ADAMTS12: variants seen among roughly 807,000 people sequenced by gnomAD.
ADAMTS12 encodes ADAM metallopeptidase with thrombospondin type 1 motif 12.
In ADAMTS12, 118 loss-of-function variants were observed where a neutral mutation model predicts 167.8. The ratio of observed to expected loss-of-function variants is 0.70; its 90% CI spans 0.61 to 0.82. The LOEUF (loss-of-function observed/expected upper bound fraction) is 0.82, where lower values mean the gene tolerates loss of function less well. Among genes scored for constraint, ADAMTS12 ranks in the 40% least tolerant of loss-of-function variants. The pLI, the probability that ADAMTS12 is intolerant of heterozygous loss-of-function variation, is 0.00. For synonymous variants in ADAMTS12, 704 were observed against 716.9 expected, an observed-to-expected ratio of 0.98 and a Z score of 0.29; for missense variants, 1,916 against 1,998.8, an observed-to-expected ratio of 0.96 and a Z score of 0.79.
intron 22 of ADAMTS12, among the ~76,000 whole-genome samples, 188 bp from the exon 23 acceptor site, chr5:33,535,180 A>G (rs1357200361): frequency 2.0e-5 from 3 of 152,240 alleles, no homozygotes; most frequent in Non-Finnish European, 4.4e-5. Flanking sequence ...ACTCTATACT[A>G]TAGGTTGTGT....
At chr5:33,749,551 T>C (rs1388843984) in intron 3 of ADAMTS12, among the ~76,000 whole-genome samples, 1 of 152,160 alleles carries the variant, frequency 6.6e-6, no homozygotes, top group East Asian at 1.9e-4. Context: ...TACTCTCTCA[T>C]ACTTGCTTAG....
intron 7 of ADAMTS12, among the ~76,000 whole-genome samples, chr5:33,653,297 C>T (rs1285608902): frequency 1.3e-5 from 2 of 151,988 alleles, no homozygotes; most frequent in African/African-American, 4.8e-5. Flanking sequence ...CTTGTTTAGC[C>T]TGTTACAATG....
At chr5:33,644,860 A>G (rs1740600452) in intron 9 of ADAMTS12, among the ~76,000 whole-genome samples, 1 of 151,922 alleles carries the variant, frequency 6.6e-6, no homozygotes, top group South Asian at 2.1e-4. Context: ...CCTACTGAGT[A>G]GCTGGGACTG....
intron 3 of ADAMTS12, among the ~76,000 whole-genome samples, chr5:33,686,922 A>AATAT (rs369832766): frequency 0.014 from 1,913 of 138,040 alleles, 27 homozygotes; most frequent in African/African-American, 0.04. Context: ...ATAGGCACTG[A>AATAT]ATATATATAT....
chr5:33,771,785 A>G (rs1745746307), intron 2 of ADAMTS12, among the ~76,000 whole-genome samples: 1 of 151,728 alleles, frequency 6.6e-6, no homozygotes, highest in Non-Finnish European at 1.5e-5. Context: ...GTAAAGTTAT[A>G]CTGCGTACTT....
At chr5:33,585,834 C>T (rs1314137570) in intron 18 of ADAMTS12, among the ~76,000 whole-genome samples, 1 of 152,054 alleles carries the variant, frequency 6.6e-6, no homozygotes, top group East Asian at 1.9e-4. Context: ...GAGAGAGCTC[C>T]CCTTTCTGAT....
rs1703819008 is a variant in ADAMTS12, at chr5:33,525,745, G to A, written c.*1443C>T. 6.6e-6 allele frequency: 1 copy of A among 152,168 alleles called. No homozygotes were observed. The highest frequency in any genetic ancestry group is 2.1e-4 in the South Asian group (1 of 4,832). 9.4% of individuals were successfully genotyped at this position (152,168 alleles called of 1,614,324 possible). On this transcript the variant is annotated 3_prime_UTR_variant, in exon 24 of 24. Transcript: ENST00000504830. ...GAAAATATGCTGCCCATCACATGAA[G>A]GCCACATCCTTGCCTTTCTCCCTGT...
intron 2 of ADAMTS12, among the ~76,000 whole-genome samples, chr5:33,842,670 T>G (rs1382755420): frequency 6.6e-6 from 1 of 152,180 alleles, no homozygotes; most frequent in Admixed American, 6.5e-5. Context: ...GAGGCAGGCA[T>G]GGTGCCAGGC....
rs75768007 is a variant in ADAMTS12, at chr5:33,663,237, C to T, written c.916-1197G>A. Among the ~76,000 whole-genome samples the T allele has an allele frequency of 2.3e-3, 355 of 152,274 alleles. 3 individuals carry two copies. The highest frequency in any genetic ancestry group is 8.1e-3 in the African/African-American group (337 of 41,566). On this transcript the variant is annotated intron_variant, in intron 5 of 23. Transcript: ENST00000504830. ...TTTAATAATTTTCATTGTTACATCA[C>T]CCAGCAGAATGATATATGGTAGAGG... is the stretch of plus-strand genomic sequence containing the variant.
chr5:33,758,658 C>T (rs1018302815), intron 2 of ADAMTS12, among the ~76,000 whole-genome samples: 3 of 152,112 alleles, frequency 2.0e-5, no homozygotes, highest in South Asian at 2.1e-4. Context: ...ACGGGGTAGG[C>T]AGTATCTGAT....
rs886706160 is a variant in ADAMTS12, at chr5:33,524,575, T to C, written c.*2613A>G. 6.6e-5 allele frequency: 10 copies of C among 152,214 alleles called. No individual in the cohort carries two copies. Among genetic ancestry groups the C allele is most frequent in the African/African-American group, 2.4e-4 (10 of 41,454 alleles). 9.4% of individuals were successfully genotyped at this position (152,214 alleles called of 1,614,324 possible). A position where few individuals can be genotyped will look rare whatever the true frequency, so the allele number is the denominator to read the frequency against. On this transcript the variant is annotated 3_prime_UTR_variant, in exon 24 of 24. Transcript: ENST00000504830. ...GCACCCAAGTATCAAAGATGTAAGA[T>C]ACCATGCAGGTTCCTGTCTTCAGAG... is the stretch of plus-strand genomic sequence containing the variant.
intron 2 of ADAMTS12, among the ~76,000 whole-genome samples, chr5:33,865,287 T>C (rs750839129): frequency 1.8e-4 from 27 of 152,028 alleles, no homozygotes; most frequent in Admixed American, 6.6e-4. Context: ...CATGATCAAG[T>C]GGATTTCACC....
chr5:33,796,670 T>G (rs28617301), intron 2 of ADAMTS12, among the ~76,000 whole-genome samples: 2,649 of 152,218 alleles, frequency 0.017, 90 homozygotes, highest in African/African-American at 0.061. Context: ...CATACCAGCA[T>G]GGGCCTCAGA....
chr5:33,777,605 A>C (rs1369155727), intron 2 of ADAMTS12, among the ~76,000 whole-genome samples: 1 of 152,142 alleles, frequency 6.6e-6, no homozygotes, highest in Non-Finnish European at 1.5e-5. Flanking sequence ...CTTTTACTTT[A>C]AGATCAAAAA....
At chr5:33,558,246 T>C (rs993074768) in intron 20 of ADAMTS12, among the ~76,000 whole-genome samples, 3 of 152,056 alleles carry the variant, frequency 2.0e-5, no homozygotes, top group Non-Finnish European at 2.9e-5. Context: ...GCAATACCCA[T>C]AATAGTGGTC....
chr5:33,789,600 A>G (rs1224937344), intron 2 of ADAMTS12, among the ~76,000 whole-genome samples: 3 of 152,200 alleles, frequency 2.0e-5, no homozygotes, highest in Non-Finnish European at 2.9e-5. Flanking sequence ...AGAGTACCTC[A>G]ACAGCAGTCC....
chr5:33,835,552 G>T (rs1023328859), intron 2 of ADAMTS12, among the ~76,000 whole-genome samples: 3 of 152,204 alleles, frequency 2.0e-5, no homozygotes, highest in Non-Finnish European at 4.4e-5. Context: ...CTGTCTCCTA[G>T]TTCATAGGTG....
chr5:33,744,132 A>G (rs900391103), intron 3 of ADAMTS12, among the ~76,000 whole-genome samples: 1 of 152,214 alleles, frequency 6.6e-6, no homozygotes, highest in African/African-American at 2.4e-5. Flanking sequence ...CCCTGGGCAT[A>G]AGCAGACATG....
At chr5:33,794,982 A>T (rs1041560737) in intron 2 of ADAMTS12, among the ~76,000 whole-genome samples, 10 of 152,210 alleles carry the variant, frequency 6.6e-5, no homozygotes, top group African/African-American at 2.4e-4. Context: ...AAAATTAATT[A>T]AAAAGTGACC....
Sources: allele counts gnomAD v4.1 joint callset (sites outside exome capture counted in the v4.1 genomes callset), GRCh38; gene constraint gnomAD v4.1.1; transcripts MANE v1.5; gene names NCBI Gene and HGNC (gene_info 2026-07-23, HGNC 2026-07-21).